Variants in NBEA observed in about 807,000 individuals in gnomAD.
The protein encoded by NBEA is neurobeachin.
Under a neutral mutation model 343.4 loss-of-function variants are expected in NBEA, and 44 were observed. The ratio of observed to expected loss-of-function variants is 0.13; its 90% CI spans 0.10 to 0.16. The LOEUF (loss-of-function observed/expected upper bound fraction) is 0.16, where lower values mean the gene tolerates loss of function less well. Among genes scored for constraint, NBEA ranks in the 10% least tolerant of loss-of-function variants. NBEA has a pLI of 1.00. For missense variants in NBEA, 2,555 were observed against 3,631.3 expected, an observed-to-expected ratio of 0.70 and a Z score of 7.62; for synonymous variants, 1,175 against 1,238.7, an observed-to-expected ratio of 0.95 and a Z score of 1.08.
chr13:35,573,307 T>G (rs1431507920), intron 45 of NBEA, among the ~76,000 whole-genome samples: 1 of 152,230 alleles, frequency 6.6e-6, no homozygotes, highest in Non-Finnish European at 1.5e-5. Flanking sequence ...TGCCAGACAC[T>G]GGAGATACAA....
At chr13:35,322,849 G>T (rs377524218) in intron 36 of NBEA, among the ~76,000 whole-genome samples, 1 of 151,982 alleles carries the variant, frequency 6.6e-6, no homozygotes, top group Non-Finnish European at 1.5e-5. Context: ...AATTGTATTT[G>T]AATTATATTT....
chr13:35,027,622 C>G (rs2062061084), intron 1 of NBEA, among the ~76,000 whole-genome samples: 1 of 151,896 alleles, frequency 6.6e-6, no homozygotes, highest in Non-Finnish European at 1.5e-5. Flanking sequence ...TTCTTCCAGT[C>G]TGTAGCTTAT....
At chr13:35,139,082 A>G (rs1289591006) in intron 17 of NBEA, among the ~76,000 whole-genome samples, 1 of 82,966 alleles carries the variant, frequency 1.2e-5, no homozygotes, top group East Asian at 4.5e-4. Context: ...TTTTTTTGAG[A>G]CAGAGCCTAA....
chr13:35,130,477 A>G (rs1272880123), intron 17 of NBEA, among the ~76,000 whole-genome samples: 1 of 152,078 alleles, frequency 6.6e-6, no homozygotes, highest in Non-Finnish European at 1.5e-5. Context: ...AAAAAATTTA[A>G]TGAGGATGAA....
chr13:34,956,297 TG>T (rs2152487249), intron 1 of NBEA, among the ~76,000 whole-genome samples: 1 of 152,184 alleles, frequency 6.6e-6, no homozygotes, highest in African/African-American at 2.4e-5. Flanking sequence ...AGGAAATTAG[TG>T]TTTTCCATTT....
At chr13:35,485,432 G>C (rs867769448) in intron 41 of NBEA, among the ~76,000 whole-genome samples, 1 of 152,002 alleles carries the variant, frequency 6.6e-6, no homozygotes. Context: ...CTATAATCTG[G>C]CATCTTGTTG....
At chr13:35,222,817 A>G (rs141370963) in intron 33 of NBEA, among the ~76,000 whole-genome samples, 2 of 152,244 alleles carry the variant, frequency 1.3e-5, no homozygotes, top group Admixed American at 6.5e-5. Context: ...CATACGTTTT[A>G]CTTTTATATA....
At chr13:35,109,944 A>G (rs1197738096) in intron 12 of NBEA, among the ~76,000 whole-genome samples, 1 of 149,736 alleles carries the variant, frequency 6.7e-6, no homozygotes, top group East Asian at 2.0e-4. Flanking sequence ...AATGAGGGAT[A>G]TTTTGATTTT....
At chr13:35,632,249 GC>G (rs1177587323) in intron 49 of NBEA, among the ~76,000 whole-genome samples, 3 of 152,060 alleles carry the variant, frequency 2.0e-5, no homozygotes, top group African/African-American at 7.2e-5. Context: ...CCTATGACCT[GC>G]TTAGGAAAGA....
intron 41 of NBEA, 96 bp from the exon 42 acceptor site, chr13:35,550,381 A>T: frequency 1.5e-6 from 1 of 672,116 alleles, no homozygotes; most frequent in Non-Finnish European, 2.5e-6. Context: ...CAGTGAATTC[A>T]TTTCTAGTTT....
intron 45 of NBEA, among the ~76,000 whole-genome samples, chr13:35,582,515 C>T (rs1453938639): frequency 6.6e-6 from 1 of 151,696 alleles, no homozygotes; most frequent in Non-Finnish European, 1.5e-5. Context: ...AAATTTAAAC[C>T]TTAGAACTTT....
At chr13:35,227,485 T>C (rs1020107350) in intron 33 of NBEA, among the ~76,000 whole-genome samples, 2 of 152,102 alleles carry the variant, frequency 1.3e-5, no homozygotes, top group Admixed American at 1.3e-4. Flanking sequence ...CTCATTTACA[T>C]AGGAGCATTC....
At chr13:35,069,160 A>G (rs1196780591) in intron 8 of NBEA, among the ~76,000 whole-genome samples, 2 of 152,176 alleles carry the variant, frequency 1.3e-5, no homozygotes, top group African/African-American at 2.4e-5. Flanking sequence ...CCCCTTCTAC[A>G]TCTTAATTTC....
chr13:34,989,526 C>A (rs940317282), intron 1 of NBEA, among the ~76,000 whole-genome samples: 8 of 150,764 alleles, frequency 5.3e-5, no homozygotes, highest in Non-Finnish European at 1.2e-4. Context: ...TGGGAACTCA[C>A]TGTCATGAGA....
At chr13:35,576,752 A>G (rs1035037391) in intron 45 of NBEA, among the ~76,000 whole-genome samples, 11 of 152,328 alleles carry the variant, frequency 7.2e-5, no homozygotes, top group African/African-American at 2.4e-4. Flanking sequence ...AAATGTTACC[A>G]ATTTTCCCCA....
chr13:35,280,789 C>A (rs924377433), intron 34 of NBEA, among the ~76,000 whole-genome samples: 7 of 151,366 alleles, frequency 4.6e-5, no homozygotes, highest in Admixed American at 1.3e-4. Flanking sequence ...TTTTTTTTGC[C>A]ATTTATTTGA....
At position 34,942,982 on chromosome 13, in the gene NBEA, G is replaced by A. The variant is rs2059077109; in HGVS notation, c.162G>A (p.Val54=). The part of the protein sequence containing the change: ...ELRGASGSGS[V]MLPAGMINPS... ...GGGGGGCGTCCGGCTCCGGCTCGGTGATGCTCCCCGCGGGGATGATTAACC... is the reference window on the plus strand; with the variant it reads ...GGGGGGCGTCCGGCTCCGGCTCGGTAATGCTCCCCGCGGGGATGATTAACC... The change falls in exon 1 of 59, where the codon GTG becomes GTA. Residue 54 remains valine, a synonymous_variant. Coordinates refer to ENST00000379939, the MANE Select transcript of NBEA (RefSeq NM_001385012.1). 2 of 1,608,356 alleles carry A rather than the reference G, an allele frequency of 1.2e-6. No individual in the cohort carries two copies. Among genetic ancestry groups the A allele is most frequent in the Non-Finnish European group, 8.5e-7 (1 of 1,177,604 alleles).
chr13:34,989,213 C>G (rs1284186562), intron 1 of NBEA, among the ~76,000 whole-genome samples: 1 of 150,958 alleles, frequency 6.6e-6, no homozygotes, highest in Non-Finnish European at 1.5e-5. Flanking sequence ...AATTAAAAGT[C>G]ATTTATCTTC....
At chr13:35,204,730 A>G (rs964127363) in intron 31 of NBEA, among the ~76,000 whole-genome samples, 1 of 152,154 alleles carries the variant, frequency 6.6e-6, no homozygotes, top group Non-Finnish European at 1.5e-5. Context: ...GTTTAGTTCA[A>G]TGGCTCTTAA....
Sources: gnomAD v4.1 joint callset for allele counts (sites outside exome capture counted in the v4.1 genomes callset) on GRCh38, gnomAD v4.1.1 for gene constraint, MANE v1.5 for transcripts, NCBI Gene and HGNC (gene_info 2026-07-23, HGNC 2026-07-21) for gene names.